The following ATP7A variants were observed in gnomAD, a reference collection of about 807,000 sequenced individuals.
ATP7A encodes copper-transporting ATPase 1.
Under a neutral mutation model 83.5 loss-of-function variants are expected in ATP7A, and 7 were observed. That is an observed-to-expected ratio of 0.08 (90% CI 0.05 to 0.16). The LOEUF (loss-of-function observed/expected upper bound fraction) is 0.16. Among genes scored for constraint, ATP7A ranks in the 10% least tolerant of loss-of-function variants. ATP7A has a pLI of 1.00. For synonymous variants in ATP7A, 354 were observed against 395.2 expected (o/e 0.90, Z 1.24); for missense variants, 940 against 1,120.8 (o/e 0.84, Z 2.30).
intron 1 of ATP7A, among the ~76,000 whole-genome samples, chrX:77,937,761 A>G (rs1283145797): frequency 3.6e-5 from 4 of 111,103 alleles, no homozygotes; most frequent in African/African-American, 9.8e-5. Context: ...TGAAAAAGCA[A>G]AACTATAGGG....
intron 7 of ATP7A, among the ~76,000 whole-genome samples, chrX:78,010,936 AG>A (rs2077818500): frequency 1.8e-5 from 2 of 110,803 alleles, no homozygotes; most frequent in Non-Finnish European, 3.8e-5. Context: ...GTTGTACTTG[AG>A]TTAAACTCTT....
intron 4 of ATP7A, among the ~76,000 whole-genome samples, chrX:77,993,856 C>T (rs1557232307): frequency 1.8e-5 from 2 of 111,088 alleles, no homozygotes; most frequent in African/African-American, 3.3e-5. Context: ...ATATTTCCAT[C>T]GTTTAAGTGA....
At chrX:77,940,203 G>T (rs2077344137) in intron 1 of ATP7A, among the ~76,000 whole-genome samples, 1 of 110,843 alleles carries the variant, frequency 9.0e-6, no homozygotes, top group African/African-American at 3.3e-5. Flanking sequence ...TGTTAAGAGG[G>T]TAACTCTCAT....
At chrX:77,937,457 A>C (rs1389116497) in intron 1 of ATP7A, among the ~76,000 whole-genome samples, 1 of 112,367 alleles carries the variant, frequency 8.9e-6, no homozygotes, top group Middle Eastern at 4.2e-3. Flanking sequence ...ACTTCTAGAT[A>C]TCTCTCCAAG....
chrX:78,029,867 G>A (rs2077971758), intron 15 of ATP7A, among the ~76,000 whole-genome samples: 1 of 111,625 alleles, frequency 9.0e-6, no homozygotes, highest in African/African-American at 3.3e-5. Context: ...GCCACCAGCC[G>A]ACAGTTTGCA....
intron 1 of ATP7A, among the ~76,000 whole-genome samples, chrX:77,937,813 A>G (rs2077328113): frequency 9.2e-6 from 1 of 109,080 alleles, no homozygotes. Flanking sequence ...ATAGGGAAGT[A>G]TTGGTTATAA....
chrX:78,011,890 G>C, intron 9 of ATP7A: 2 of 438,379 alleles, frequency 4.6e-6, no homozygotes, highest in South Asian at 6.2e-5. Context: ...TTTGGGTTTG[G>C]TATTTATATC....
At chrX:78,002,843 CAT>C (rs1245900101) in intron 5 of ATP7A, among the ~76,000 whole-genome samples, 1 of 100,511 alleles carries the variant, frequency 9.9e-6, no homozygotes, top group African/African-American at 3.8e-5. Context: ...CACACACACA[CAT>C]AATTGAAAAT....
intron 1 of ATP7A, among the ~76,000 whole-genome samples, chrX:77,942,453 G>T (rs1479295982): frequency 1.3e-4 from 14 of 108,688 alleles, no homozygotes; most frequent in South Asian, 8.0e-4. Context: ...TTTTTTGCGG[G>T]GGGGGTAGGG....
intron 4 of ATP7A, among the ~76,000 whole-genome samples, chrX:77,996,780 CT>C (rs66527254): frequency 0.28 from 30,304 of 109,017 alleles, 3,155 homozygotes; most frequent in South Asian, 0.35. Flanking sequence ...ACAGAAAAAA[CT>C]TTTTTTTTCA....
At chrX:78,010,911 C>A (rs1433480038) in intron 7 of ATP7A, among the ~76,000 whole-genome samples, 2 of 110,708 alleles carry the variant, frequency 1.8e-5, no homozygotes, top group Non-Finnish European at 3.8e-5. Flanking sequence ...TTAATGAGAA[C>A]CTCTACTGAG....
rs1317410259 is a variant in ATP7A at position 77,996,201 on chromosome X, T to TAC, written c.1337-2267_1337-2266dup. On this transcript the variant is annotated intron_variant, in intron 4 of 22. Coordinates refer to ENST00000341514, the MANE Select transcript of ATP7A (RefSeq NM_000052.7). The stretch of plus-strand genomic sequence containing the variant: ...ATAGATATACATTTATATATATATA[T>TAC]ACACACACACATACATACATTTTTT... Among the ~76,000 whole-genome samples the TAC allele has an allele frequency of 7.2e-5, 8 of 111,844 alleles. No individual in the cohort carries two copies. The South Asian group carries it at 1.1e-3, about 15-fold the overall frequency.
At chrX:77,925,507 G>T (rs112598077) in intron 1 of ATP7A, among the ~76,000 whole-genome samples, 11,182 of 110,826 alleles carry the variant, frequency 0.1, 666 homozygotes, top group African/African-American at 0.23. Context: ...CTTCATCTCT[G>T]TGGGAGTCAC....
In ATP7A at chrX:78,029,454, T is replaced by G. The variant is rs974038516; in HGVS notation, c.3111+10T>G. 1 of 1,198,995 alleles carries G rather than the reference T, an allele frequency of 8.3e-7. No individual in the cohort carries two copies. Among genetic ancestry groups the G allele is most frequent in the African/African-American group, 1.7e-5 (1 of 57,162 alleles). Reference sequence around the variant, plus strand: ...GGAGATGGCTCATAAGGTAAGACAGTCCCCAGAACTAAAACCTGTACCACC... The same window carrying G: ...GGAGATGGCTCATAAGGTAAGACAGGCCCCAGAACTAAAACCTGTACCACC... On this transcript the variant is annotated intron_variant, in intron 15 of 22. Coordinates refer to ENST00000341514, the MANE Select transcript of ATP7A (RefSeq NM_000052.7).
intron 1 of ATP7A, chrX:77,962,883 C>T (rs782518068): frequency 3.2e-4 from 115 of 357,262 alleles, no homozygotes; most frequent in Non-Finnish European, 5.9e-4. Flanking sequence ...TTCTTGGAAA[C>T]CTGACAATTG....
At chrX:77,981,750 T>TA (rs1195581860) in intron 2 of ATP7A, among the ~76,000 whole-genome samples, 1 of 112,278 alleles carries the variant, frequency 8.9e-6, no homozygotes, top group Non-Finnish European at 1.9e-5. Flanking sequence ...AAAACAATGC[T>TA]ACAATGTAAT....
intron 1 of ATP7A, among the ~76,000 whole-genome samples, chrX:77,937,150 T>C (rs2077324339): frequency 8.9e-6 from 1 of 112,586 alleles, no homozygotes; most frequent in Non-Finnish European, 1.9e-5. Context: ...CACTCTGGTA[T>C]GTGATGTTGC....
chrX:78,016,677 A>G (rs2149097810), intron 12 of ATP7A, among the ~76,000 whole-genome samples: 1 of 112,165 alleles, frequency 8.9e-6, no homozygotes, highest in Admixed American at 9.4e-5. Context: ...TACAGGCCCC[A>G]TGCAAGTCCA....
At chrX:78,044,527 T>C (rs2078072078) in intron 21 of ATP7A, among the ~76,000 whole-genome samples, 1 of 111,881 alleles carries the variant, frequency 8.9e-6, no homozygotes, top group African/African-American at 3.2e-5. Context: ...ATACAAGTAT[T>C]TTCCTCTAGT....
Sources: allele counts gnomAD v4.1 joint callset (sites outside exome capture counted in the v4.1 genomes callset), GRCh38; gene constraint gnomAD v4.1.1; transcripts MANE v1.5; gene names NCBI Gene and HGNC (gene_info 2026-07-23, HGNC 2026-07-21).